The following CACNA1D variants were observed in gnomAD, a reference collection of about 807,000 sequenced individuals.
CACNA1D encodes the protein voltage-dependent L-type calcium channel subunit alpha-1D.
A neutral mutation model predicts 257.1 loss-of-function variants in CACNA1D; 55 were observed. The observed-to-expected ratio is 0.21, with a 90% CI of 0.17 to 0.27. The LOEUF (loss-of-function observed/expected upper bound fraction) is 0.27. Ranked by LOEUF, CACNA1D falls within the 10% of genes least tolerant of loss-of-function variation. CACNA1D has a pLI of 1.00. For missense variants in CACNA1D, 1,876 were observed against 2,784.0 expected, an observed-to-expected ratio of 0.67 and a Z score of 7.34; for synonymous variants, 980 against 1,014.9, an observed-to-expected ratio of 0.97 and a Z score of 0.65.
At chr3:53,508,856 G>C (rs1423920281) in intron 3 of CACNA1D, among the ~76,000 whole-genome samples, 4 of 152,232 alleles carry the variant, frequency 2.6e-5, no homozygotes, top group Admixed American at 2.6e-4. Flanking sequence ...AGGAATGGAA[G>C]AGGTTCTAGA....
At chr3:53,738,210 C>G (rs1432451715) in intron 20 of CACNA1D, among the ~76,000 whole-genome samples, 1 of 152,220 alleles carries the variant, frequency 6.6e-6, no homozygotes, top group Non-Finnish European at 1.5e-5. Flanking sequence ...CAGATCTGTG[C>G]CTCCAGGACT....
At chr3:53,661,169 G>A (rs1217919662) in intron 5 of CACNA1D, among the ~76,000 whole-genome samples, 1 of 152,190 alleles carries the variant, frequency 6.6e-6, no homozygotes, top group Admixed American at 6.5e-5. Context: ...CTTTCTGAGG[G>A]CTGGTGCGTC....
intron 3 of CACNA1D, among the ~76,000 whole-genome samples, chr3:53,625,286 G>A (rs528664809): frequency 6.6e-6 from 1 of 152,208 alleles, no homozygotes; most frequent in African/African-American, 2.4e-5. Flanking sequence ...ATGGACTACA[G>A]AGTCTGTCCC....
chr3:53,752,153 T>A (rs1576558364), intron 28 of CACNA1D, among the ~76,000 whole-genome samples: 1 of 152,178 alleles, frequency 6.6e-6, no homozygotes, highest in South Asian at 2.1e-4. Context: ...GAGCCTGGCA[T>A]TGGTGCTCAA....
intron 38 of CACNA1D, among the ~76,000 whole-genome samples, chr3:53,780,716 A>G (rs560832750): frequency 3.3e-5 from 5 of 152,340 alleles, no homozygotes; most frequent in Admixed American, 2.6e-4. Context: ...AACAGGCACT[A>G]GAGTGTGGCC....
At chr3:53,672,793 TG>T (rs1240371902) in intron 7 of CACNA1D, among the ~76,000 whole-genome samples, 2 of 150,138 alleles carry the variant, frequency 1.3e-5, no homozygotes, top group African/African-American at 2.5e-5. Context: ...TGTGTGTGTG[TG>T]TGTGTGTGTG....
chr3:53,522,410 C>G (rs1053060616), intron 3 of CACNA1D, among the ~76,000 whole-genome samples: 1 of 151,960 alleles, frequency 6.6e-6, no homozygotes, highest in Non-Finnish European at 1.5e-5. Flanking sequence ...GTCTGTGGGC[C>G]CTGCAGGCAG....
intron 14 of CACNA1D, among the ~76,000 whole-genome samples, chr3:53,724,811 G>T (rs1559575732): frequency 6.6e-6 from 1 of 152,178 alleles, no homozygotes; most frequent in Non-Finnish European, 1.5e-5. Context: ...TGCTGTGGAT[G>T]AGTCACTTAC....
At chr3:53,674,058 T>TTA (rs1298494705) in intron 8 of CACNA1D, 11 of 598,522 alleles carry the variant, frequency 1.8e-5, no homozygotes, top group Admixed American at 7.8e-5. Context: ...GCCAGTTGTG[T>TTA]TAGTATGTGA....
At chr3:53,623,496 A>G (rs2093721982) in intron 3 of CACNA1D, among the ~76,000 whole-genome samples, 1 of 152,238 alleles carries the variant, frequency 6.6e-6, no homozygotes, top group African/African-American at 2.4e-5. Flanking sequence ...TCACTGTACA[A>G]TTCTTGTAGC....
intron 3 of CACNA1D, among the ~76,000 whole-genome samples, chr3:53,607,803 T>C (rs969376017): frequency 1.3e-5 from 2 of 152,232 alleles, no homozygotes; most frequent in Non-Finnish European, 2.9e-5. Flanking sequence ...ACTATGCTTG[T>C]TGAATAACTT....
rs372871378 is a variant in CACNA1D at position 53,568,483 on chromosome 3, A to T, written c.483+66763A>T. Among the ~76,000 whole-genome samples, 53 of 152,154 alleles carry T rather than the reference A, an allele frequency of 3.5e-4. 1 individual carries two copies. Among genetic ancestry groups the T allele is most frequent in the Admixed American group, 3.5e-3 (53 of 15,282 alleles). On this transcript the variant is annotated intron_variant, in intron 3 of 47. Transcript: ENST00000350061. ...AGGAGAGAACTTCTCAAAAGCGCCC[A>T]CTGCCACATCCCCCTGCCTACTCTT...
intron 3 of CACNA1D, among the ~76,000 whole-genome samples, chr3:53,599,714 A>G (rs548059799): frequency 6.6e-6 from 1 of 152,312 alleles, no homozygotes; most frequent in African/African-American, 2.4e-5. Context: ...AATTCTCTAT[A>G]TGGGAATTCT....
At chr3:53,664,492 C>G (rs939784361) in intron 5 of CACNA1D, among the ~76,000 whole-genome samples, 6 of 152,228 alleles carry the variant, frequency 3.9e-5, no homozygotes, top group African/African-American at 1.4e-4. Context: ...GGATTCAACA[C>G]CCACAACCCT....
intron 4 of CACNA1D, among the ~76,000 whole-genome samples, chr3:53,654,917 C>T (rs1000471462): frequency 6.6e-6 from 1 of 152,068 alleles, no homozygotes; most frequent in Non-Finnish European, 1.5e-5. Flanking sequence ...GAACAAAGGA[C>T]AGGACAAATA....
In CACNA1D at chr3:53,497,155, C is replaced by A; in HGVS notation, c.71C>A (p.Ala24Glu). Residue 24 changes from alanine to glutamate, a missense_variant, in exon 2 of 48, where the codon GCA becomes GAA. By Grantham distance (107) the Ala-to-Glu change is moderately radical. Transcript: ENST00000350061. ...RQQQADHANEANYARGTRLPL... is the reference protein window; with the variant it reads ...RQQQADHANEENYARGTRLPL... Reference sequence around the variant, plus strand: ...TTGTTTTTCTCCTTCTCCCCAGAGGCAAACTATGCAAGAGGCACCAGACTT... The same window carrying A: ...TTGTTTTTCTCCTTCTCCCCAGAGGAAAACTATGCAAGAGGCACCAGACTT... 2 of 1,613,762 alleles carry A rather than the reference C, an allele frequency of 1.2e-6. No homozygotes were observed. The highest frequency in any genetic ancestry group is 1.1e-5 in the South Asian group (1 of 91,036).
chr3:53,747,553 T>C (rs2095182514), intron 26 of CACNA1D, 105 bp downstream of exon 26: 1 of 1,233,378 alleles, frequency 8.1e-7, no homozygotes, highest in African/African-American at 1.5e-5. Context: ...TGTCGCAGGA[T>C]TGCCCTGTGG....
At chr3:53,702,256 G>T (rs1050774708) in intron 8 of CACNA1D, among the ~76,000 whole-genome samples, 1 of 152,204 alleles carries the variant, frequency 6.6e-6, no homozygotes, top group Non-Finnish European at 1.5e-5. Context: ...GCCCATTTGG[G>T]TCCCTCCTCT....
At chr3:53,519,909 A>G (rs554153073) in intron 3 of CACNA1D, among the ~76,000 whole-genome samples, 5 of 152,252 alleles carry the variant, frequency 3.3e-5, no homozygotes, top group African/African-American at 1.2e-4. Flanking sequence ...ATCATACAAT[A>G]TGTGTCCTTT....
Sources: gnomAD v4.1 joint callset for allele counts (sites outside exome capture counted in the v4.1 genomes callset) on GRCh38, gnomAD v4.1.1 for gene constraint, MANE v1.5 for transcripts, NCBI Gene and HGNC (gene_info 2026-07-23, HGNC 2026-07-21) for gene names.